XYLB: variants seen among roughly 807,000 people sequenced by gnomAD.
XYLB encodes the protein xylulokinase.
A neutral mutation model predicts 78.7 loss-of-function variants in XYLB; 62 were observed. That is an observed-to-expected ratio of 0.79 (90% CI 0.64 to 0.97). The LOEUF (loss-of-function observed/expected upper bound fraction) is 0.97, where lower values mean the gene tolerates loss of function less well. XYLB is among the 50% of genes least tolerant of loss of function. The pLI is 0.00. For synonymous variants in XYLB, 245 were observed against 247.4 expected, an observed-to-expected ratio of 0.99 and a Z score of 0.09; for missense variants, 687 against 676.8, an observed-to-expected ratio of 1.02 and a Z score of -0.17.
Position 38,370,559 on chromosome 3 carries a change from C to T in XYLB, c.765+385C>T, listed in dbSNP as rs147949687. On this transcript the variant is annotated intron_variant, in intron 9 of 18. Transcript: ENST00000207870. ...GCCTTGGGGAAAATAGAAATACCAG[C>T]GGGGCTGGCACAGCACAGGCCCTGG... 4.6e-5 allele frequency among the ~76,000 whole-genome samples: 7 copies of T among 152,176 alleles called. No individual in the cohort carries two copies. In the East Asian group the frequency reaches 5.8e-4, roughly 13 times the overall value.
intron 4 of XYLB, 131 bp from the exon 5 acceptor site, chr3:38,365,068 G>A (rs543788606): frequency 1.3e-6 from 1 of 741,872 alleles, no homozygotes; most frequent in Admixed American, 2.4e-5. Context: ...GATGAGCTCT[G>A]TGACTAAGAA....
At chr3:38,431,207 G>T in the XYLB span, among the ~76,000 whole-genome samples, 3 of 152,122 alleles carry the variant, frequency 2.0e-5, no homozygotes, top group Admixed American at 2.0e-4. Flanking sequence ...TCTTCCATTT[G>T]TTTGTATCCT....
chr3:38,382,397 G>A (rs546876236), intron 15 of XYLB, among the ~76,000 whole-genome samples: 133 of 152,314 alleles, frequency 8.7e-4, no homozygotes, highest in Non-Finnish European at 1.6e-3. Context: ...GGCCTGTGGG[G>A]TGCTGTCAAT....
At position 38,413,305 on chromosome 3, in the gene XYLB, A is replaced by C; in HGVS notation, c.*292A>C. On this transcript the variant is annotated 3_prime_UTR_variant, in exon 19 of 19. Coordinates refer to ENST00000207870, the MANE Select transcript of XYLB (RefSeq NM_005108.4). ...GACTGGGATATGTCCAATAAAAACT[A>C]TGACTTTTCCCCTTGCAGAGGCAGA... 1 of 328,096 alleles carries C rather than the reference A, an allele frequency of 3.0e-6. No individual in the cohort carries two copies. Among genetic ancestry groups the C allele is most frequent in the South Asian group, 1.2e-4 (1 of 8,558 alleles). 20.3% of individuals were successfully genotyped at this position (328,096 alleles called of 1,614,324 possible).
the XYLB span, among the ~76,000 whole-genome samples, chr3:38,431,215 C>A: frequency 6.6e-6 from 1 of 152,082 alleles, no homozygotes; most frequent in African/African-American, 2.4e-5. Flanking sequence ...TTGTTTGTAT[C>A]CTCTTTTATT....
chr3:38,435,852 C>T, the XYLB span, among the ~76,000 whole-genome samples: 1 of 151,644 alleles, frequency 6.6e-6, no homozygotes, highest in Non-Finnish European at 1.5e-5. Flanking sequence ...ACAATTGAGT[C>T]AATGAAGAAA....
At chr3:38,417,914 G>A (rs901138124), downstream of XYLB, among the ~76,000 whole-genome samples, 28 of 150,172 alleles carry the variant, frequency 1.9e-4, no homozygotes, top group African/African-American at 6.1e-4. Flanking sequence ...ATATCAGGCC[G>A]GGCGTGGTGT....
the XYLB span, among the ~76,000 whole-genome samples, chr3:38,436,645 T>C: frequency 6.6e-6 from 1 of 152,198 alleles, no homozygotes; most frequent in Non-Finnish European, 1.5e-5. Context: ...GTATATCTGA[T>C]GAACATTAAT....
chr3:38,355,469 T>A (rs1476388368), intron 2 of XYLB, among the ~76,000 whole-genome samples: 2 of 152,238 alleles, frequency 1.3e-5, no homozygotes, highest in African/African-American at 4.8e-5. Context: ...CCAATGTAGA[T>A]AATTATTTTT....
Position 38,365,531 on chromosome 3 carries a change from G to T in XYLB, c.379-77G>T, listed in dbSNP as rs966460490. ...AGCGTCATGACTGCCGTGATGGGCA[G>T]TGTGACCGCCAGCCCTGGGGCAGAT... On this transcript the variant is annotated intron_variant, in intron 5 of 18. Coordinates refer to ENST00000207870, the MANE Select transcript of XYLB (RefSeq NM_005108.4). 37 of 1,547,272 alleles carry T rather than the reference G, an allele frequency of 2.4e-5. No individual in the cohort carries two copies. The African/African-American group carries it at 4.3e-4, about 18-fold the overall frequency.
At chr3:38,347,675 CAAAA>C in intron 1 of XYLB, among the ~76,000 whole-genome samples, 1 of 138,024 alleles carries the variant, frequency 7.2e-6, no homozygotes, top group East Asian at 2.1e-4. Context: ...GACCCTGTCT[CAAAA>C]AAAAAAAAAG....
chr3:38,379,186 T>C (rs1426675337), intron 14 of XYLB, 60 bp from the exon 15 acceptor site: 9 of 1,532,580 alleles, frequency 5.9e-6, no homozygotes, highest in East Asian at 2.2e-5. Context: ...GACACACACA[T>C]ACACACACGA....
intron 2 of XYLB, among the ~76,000 whole-genome samples, chr3:38,349,946 A>T (rs1473062030): frequency 1.8e-4 from 27 of 152,158 alleles, no homozygotes. Flanking sequence ...TTTTAACTTA[A>T]TTGCCTTTTT....
Position 38,376,984 on chromosome 3 carries a change from A to G in XYLB, c.1187A>G (p.Asn396Ser), listed in dbSNP as rs1391454206. 3 of 1,613,672 alleles carry G rather than the reference A, an allele frequency of 1.9e-6. No homozygotes were observed. The highest frequency in any genetic ancestry group is 2.5e-6 in the Non-Finnish European group (3 of 1,179,758). ...GGACGTCATAGGTTTAACACAGAAA[A>G]CCACAAGGTACATGTGCTGTTGGTG... is the stretch of plus-strand genomic sequence containing the variant. ...IIGRHRFNTE[N>S]HKVAAFPGDV... Residue 396 changes from asparagine to serine, a missense_variant, in exon 14 of 19, where the codon AAC becomes AGC. Transcript: ENST00000207870.
At chr3:38,452,970 A>G in the XYLB span, 6 of 152,196 alleles carry the variant, frequency 3.9e-5, no homozygotes, top group Non-Finnish European at 8.8e-5. Context: ...AGGATCTCGG[A>G]GCCTCATCCC....
intron 9 of XYLB, among the ~76,000 whole-genome samples, chr3:38,371,672 AC>A (rs1315607928): frequency 6.6e-6 from 1 of 152,162 alleles, no homozygotes; most frequent in Non-Finnish European, 1.5e-5. Context: ...ACAGGTGTGA[AC>A]CACCGTGCTC....
intron 15 of XYLB, among the ~76,000 whole-genome samples, chr3:38,382,357 C>T (rs1012681369): frequency 3.3e-5 from 5 of 152,060 alleles, no homozygotes; most frequent in African/African-American, 9.7e-5. Context: ...TGTTGGAAGT[C>T]GGGATAATTA....
chr3:38,372,675 CG>C lies in XYLB; in HGVS notation c.787del (p.Val263SerfsTer26), dbSNP rs1488248939. On this transcript the variant is annotated frameshift_variant, in exon 10 of 19. Coordinates refer to ENST00000207870, the MANE Select transcript of XYLB (RefSeq NM_005108.4). LOFTEE classifies it high-confidence loss of function. ...SVVGAISSYY[V>X]QRYGFPPGCK... ...CTCAGGGAGCCATTTCTTCCTACTA[CG>C]TCCAGCGCTACGGATTTCCTCCAGG... 1 of 1,614,070 alleles carries C rather than the reference CG, an allele frequency of 6.2e-7. No homozygotes were observed. Among genetic ancestry groups the C allele is most frequent in the Non-Finnish European group, 8.5e-7 (1 of 1,180,042 alleles).
chr3:38,367,560 G>T (rs1416712109), intron 7 of XYLB, among the ~76,000 whole-genome samples: 1 of 152,196 alleles, frequency 6.6e-6, no homozygotes, highest in Non-Finnish European at 1.5e-5. Flanking sequence ...TGGGTAGAGG[G>T]GTGAAAACCC....
Sources: allele counts gnomAD v4.1 joint callset (sites outside exome capture counted in the v4.1 genomes callset), GRCh38; gene constraint gnomAD v4.1.1; transcripts MANE v1.5; gene names NCBI Gene and HGNC (gene_info 2026-07-23, HGNC 2026-07-21).